Variants in DNAJC7 observed in about 807,000 individuals in gnomAD.
DNAJC7 encodes DnaJ heat shock protein family (Hsp40) member C7, also known as dnaJ homolog subfamily C member 7.
Under a neutral mutation model 67.4 loss-of-function variants are expected in DNAJC7, and 18 were observed. That is an observed-to-expected ratio of 0.27 (90% CI 0.18 to 0.40). The LOEUF (loss-of-function observed/expected upper bound fraction) is 0.40. DNAJC7 is among the 10% of genes least tolerant of loss of function. The pLI, the probability that DNAJC7 is intolerant of heterozygous loss-of-function variation, is 1.00. For missense variants in DNAJC7, 419 were observed against 613.8 expected, an observed-to-expected ratio of 0.68 and a Z score of 3.35; for synonymous variants, 220 against 207.8, an observed-to-expected ratio of 1.06 and a Z score of -0.50.
chr17:42,015,795 A>C (rs1555651809), intron 1 of DNAJC7: 1 of 152,170 alleles, frequency 6.6e-6, no homozygotes, highest in African/African-American at 2.4e-5. Context: ...CGGAGCTTGC[A>C]GTGAGCTGAG....
rs537095475 is a variant in DNAJC7, at chr17:41,980,446, C to T, written c.1384+1409G>A. Among the ~76,000 whole-genome samples the T allele has an allele frequency of 8.4e-4, 127 of 151,920 alleles. 2 individuals carry two copies. The highest frequency in any genetic ancestry group is 4.2e-4 in the South Asian group (2 of 4,792). On this transcript the variant is annotated intron_variant, in intron 12 of 13. Coordinates refer to ENST00000457167, the MANE Select transcript of DNAJC7 (RefSeq NM_003315.4). Reference sequence around the variant, plus strand: ...TGTAACCCAAGCTGGAGTACAGTGGCGCAATCTCAGCTCACTGCAACCTCT... The same window carrying T: ...TGTAACCCAAGCTGGAGTACAGTGGTGCAATCTCAGCTCACTGCAACCTCT...
At chr17:41,991,010 T>C (rs370396309) in intron 5 of DNAJC7, among the ~76,000 whole-genome samples, 14 of 152,290 alleles carry the variant, frequency 9.2e-5, no homozygotes, top group African/African-American at 3.4e-4. Flanking sequence ...ATCAGATTAC[T>C]ATTCCCAACA....
At position 41,997,137 on chromosome 17, in the gene DNAJC7, C is replaced by T; in HGVS notation, c.269G>A (p.Arg90Lys). The stretch of plus-strand genomic sequence containing the variant: ...TACCCGGACAAAACTGTCATCCAAC[C>T]TCACTGACTGTTGTGCATCTCCAAG... ...EALGDAQQSV[R>K]LDDSFVRGHL... Residue 90 changes from arginine (R) to lysine (K), a missense_variant, in exon 3 of 14, where the codon AGG becomes AAG. By Grantham distance (26) the Arg-to-Lys change is conservative. Transcript: ENST00000457167. 3 of 1,613,990 alleles carry T rather than the reference C, an allele frequency of 1.9e-6. No individual in the cohort carries two copies. Among genetic ancestry groups the T allele is most frequent in the Admixed American group, 3.3e-5 (2 of 60,018 alleles).
Position 42,000,579 on chromosome 17 carries a change from G to T in DNAJC7, c.78-9C>A, listed in dbSNP as rs782031374. 7 of 1,583,136 alleles carry T rather than the reference G, an allele frequency of 4.4e-6. No individual in the cohort carries two copies. Among genetic ancestry groups the T allele is most frequent in the Admixed American group, 1.7e-5 (1 of 58,048 alleles). ...TGAAAGTCTCTGCTTCCCTGAAAAT[G>T]AAAGAGAAAGAGAATCATGTTACTT... is the stretch of plus-strand genomic sequence containing the variant. On this transcript the variant is annotated splice_polypyrimidine_tract_variant and intron_variant, in intron 1 of 13. Coordinates refer to ENST00000457167, the MANE Select transcript of DNAJC7 (RefSeq NM_003315.4).
chr17:42,003,135 A>G (rs1030161619), intron 1 of DNAJC7, among the ~76,000 whole-genome samples: 6 of 152,246 alleles, frequency 3.9e-5, no homozygotes, highest in Non-Finnish European at 8.8e-5. Flanking sequence ...ACTGCACAGC[A>G]TCAGGCCAGA....
chr17:41,993,002 A>T (rs914842447), intron 5 of DNAJC7, among the ~76,000 whole-genome samples: 1 of 152,076 alleles, frequency 6.6e-6, no homozygotes, highest in Admixed American at 6.5e-5. Context: ...AAACAAACTT[A>T]TGAATTACAT....
intron 2 of DNAJC7, among the ~76,000 whole-genome samples, chr17:41,999,525 T>A (rs149919178): frequency 9.9e-4 from 151 of 152,208 alleles, no homozygotes; most frequent in African/African-American, 3.1e-3. Flanking sequence ...CAATTTTTTT[T>A]AATTTAATTT....
chr17:41,989,244 C>T (rs148515578), intron 7 of DNAJC7, among the ~76,000 whole-genome samples, 160 bp downstream of exon 7: 4 of 152,314 alleles, frequency 2.6e-5, no homozygotes, highest in African/African-American at 9.6e-5. Context: ...TAGGTAAATA[C>T]AAGTAGTCCT....
intron 12 of DNAJC7, among the ~76,000 whole-genome samples, chr17:41,978,585 C>T (rs1041280305): frequency 2.6e-5 from 4 of 152,146 alleles, no homozygotes; most frequent in African/African-American, 7.2e-5. Flanking sequence ...CACGGCTGGC[C>T]GTGGTGGCTC....
intron 1 of DNAJC7, among the ~76,000 whole-genome samples, chr17:42,007,228 C>T (rs972806831): frequency 1.3e-5 from 2 of 152,064 alleles, no homozygotes; most frequent in African/African-American, 4.8e-5. Flanking sequence ...CCCCAAATGT[C>T]GCCTTACTCT....
chr17:41,986,530 CTTTT>C (rs74268062), intron 9 of DNAJC7, among the ~76,000 whole-genome samples: 9 of 128,702 alleles, frequency 7.0e-5, no homozygotes, highest in Admixed American at 5.5e-4. Flanking sequence ...CTCCCCCCGC[CTTTT>C]TTTTTTTTTT....
At chr17:41,979,728 C>T (rs1305651490) in intron 12 of DNAJC7, among the ~76,000 whole-genome samples, 2 of 147,806 alleles carry the variant, frequency 1.4e-5, no homozygotes, top group Non-Finnish European at 1.5e-5. Flanking sequence ...TTTGGGAGGC[C>T]GAGGTGGGTG....
At chr17:41,983,839 T>C (rs2051309893) in intron 9 of DNAJC7, among the ~76,000 whole-genome samples, 1 of 152,196 alleles carries the variant, frequency 6.6e-6, no homozygotes, top group African/African-American at 2.4e-5. Flanking sequence ...CGCATGGCAC[T>C]TGCATCCAAC....
intron 1 of DNAJC7, among the ~76,000 whole-genome samples, chr17:42,002,580 C>T (rs180802109): frequency 6.6e-6 from 1 of 152,128 alleles, no homozygotes; most frequent in African/African-American, 2.4e-5. Context: ...AAACACAGTC[C>T]GGTGAACTTC....
rs782514873 is a variant in DNAJC7 at position 41,996,363 on chromosome 17, C to T, written c.353G>A (p.Ser118Asn). 6.2e-7 allele frequency: 1 copy of T among 1,614,002 alleles called. No homozygotes were observed. Among genetic ancestry groups the T allele is most frequent in the Non-Finnish European group, 8.5e-7 (1 of 1,179,898 alleles). Reference sequence around the variant, plus strand: ...ATCCAGTTCTAGGGCTCTCTGGAAGCTGCGACATGCTGCCATGGCATTCCC... The same window carrying T: ...ATCCAGTTCTAGGGCTCTCTGGAAGTTGCGACATGCTGCCATGGCATTCCC... ...SLGNAMAACR[S>N]FQRALELDHK... Residue 118 changes from serine (S) to asparagine (N), a missense_variant, in exon 4 of 14, where the codon AGC becomes AAC. Transcript: ENST00000457167.
chr17:41,983,754 T>A, intron 9 of DNAJC7, 118 bp from the exon 10 acceptor site: 1 of 776,894 alleles, frequency 1.3e-6, no homozygotes, highest in Non-Finnish European at 2.0e-6. Flanking sequence ...GTAAGATGCT[T>A]CAGAAACAGG....
intron 1 of DNAJC7, among the ~76,000 whole-genome samples, chr17:42,002,783 T>A (rs535100344): frequency 6.6e-6 from 1 of 152,192 alleles, no homozygotes; most frequent in African/African-American, 2.4e-5. Context: ...GAGTAAGACA[T>A]GGACAATATA....
intron 1 of DNAJC7, chr17:42,016,705 G>T: frequency 6.0e-6 from 1 of 165,336 alleles, no homozygotes; most frequent in Non-Finnish European, 1.3e-5. Context: ...AAAGAACAGT[G>T]CTGGGAAGGA....
chr17:41,976,596 C>A lies in DNAJC7; in HGVS notation c.*137G>T. ...CTTTGCTCCACCCCACTCACAGAGA[C>A]ACAGGGCATCCAACTGAGAAAACGA... is the stretch of plus-strand genomic sequence containing the variant. On this transcript the variant is annotated 3_prime_UTR_variant, in exon 14 of 14. Transcript: ENST00000457167. 1 of 1,126,338 alleles carries A rather than the reference C, an allele frequency of 8.9e-7. No individual in the cohort carries two copies. 69.8% of individuals were successfully genotyped at this position (1,126,338 alleles called of 1,614,324 possible).
Sources: gnomAD v4.1 joint callset for allele counts (sites outside exome capture counted in the v4.1 genomes callset) on GRCh38, gnomAD v4.1.1 for gene constraint, MANE v1.5 for transcripts, NCBI Gene and HGNC (gene_info 2026-07-23, HGNC 2026-07-21) for gene names.